The following LTBP1 variants were observed in gnomAD, a reference collection of about 807,000 sequenced individuals.
LTBP1 encodes latent-transforming growth factor beta-binding protein 1.
LTBP1 carries 129 observed loss-of-function variants against 207.6 expected under a neutral mutation model. That is an observed-to-expected ratio of 0.62 (90% CI 0.54 to 0.72). The LOEUF (loss-of-function observed/expected upper bound fraction) is 0.72, where lower values mean the gene tolerates loss of function less well. LTBP1 is among the 30% of genes least tolerant of loss of function. LTBP1 has a pLI of 0.00. For missense variants in LTBP1, 2,281 were observed against 2,217.2 expected, an observed-to-expected ratio of 1.03 and a Z score of -0.58; for synonymous variants, 963 against 833.7, an observed-to-expected ratio of 1.16 and a Z score of -2.67.
chr2:33,324,199 C>T (rs934303382), intron 24 of LTBP1, among the ~76,000 whole-genome samples: 2 of 151,836 alleles, frequency 1.3e-5, no homozygotes, highest in Non-Finnish European at 2.9e-5. Context: ...TCAACCACAG[C>T]CTACAAATAT....
chr2:33,275,296 T>C (rs537611112), intron 17 of LTBP1, among the ~76,000 whole-genome samples: 20 of 152,202 alleles, frequency 1.3e-4, no homozygotes, highest in Admixed American at 3.3e-4. Context: ...TATATGTGCA[T>C]AGACAAGATA....
intron 3 of LTBP1, among the ~76,000 whole-genome samples, chr2:33,102,890 C>T (rs2079820263): frequency 6.6e-6 from 1 of 150,924 alleles, no homozygotes; most frequent in African/African-American, 2.4e-5. Context: ...GCTCTGTATG[C>T]ACTGTCTGTA....
chr2:33,293,993 G>GTTTTT (rs1333586466), intron 20 of LTBP1, among the ~76,000 whole-genome samples: 2 of 83,110 alleles, frequency 2.4e-5, no homozygotes, highest in African/African-American at 9.7e-5. Context: ...ACTGGTACAG[G>GTTTTT]TCTTTTTTTT....
intron 2 of LTBP1, among the ~76,000 whole-genome samples, chr2:32,997,136 C>T (rs542523425): frequency 6.6e-6 from 1 of 152,116 alleles, no homozygotes; most frequent in Admixed American, 6.5e-5. Flanking sequence ...CCGCCCACCT[C>T]GGCCTCCCAA....
At chr2:33,057,387 C>T (rs553995084) in intron 3 of LTBP1, among the ~76,000 whole-genome samples, 41 of 152,328 alleles carry the variant, frequency 2.7e-4, no homozygotes, top group African/African-American at 7.9e-4. Flanking sequence ...CCACTGGGGC[C>T]GCAGGTCGAG....
At chr2:33,038,128 G>T (rs1217031263) in intron 3 of LTBP1, among the ~76,000 whole-genome samples, 2 of 152,172 alleles carry the variant, frequency 1.3e-5, no homozygotes, top group East Asian at 3.8e-4. Flanking sequence ...TTAAATGTTG[G>T]GGTTATTATT....
At chr2:33,376,116 T>C (rs2095137071) in intron 31 of LTBP1, among the ~76,000 whole-genome samples, 1 of 152,226 alleles carries the variant, frequency 6.6e-6, no homozygotes, top group South Asian at 2.1e-4. Context: ...TCCTCATAAA[T>C]ATTTAATTAG....
In LTBP1 at chr2:33,393,069, G is replaced by C. The variant is rs564577318; in HGVS notation, c.4834+3763G>C. ...ATGGTACAAATTTTTTTAACTTTTA[G>C]GTTCAGGGGTACATATAAAGGTTTG... On this transcript the variant is annotated intron_variant, in intron 32 of 33. Coordinates refer to ENST00000404816, the MANE Select transcript of LTBP1 (RefSeq NM_206943.4). Among the ~76,000 whole-genome samples, 15 of 151,682 alleles carry C rather than the reference G, an allele frequency of 9.9e-5. No homozygotes were observed. In the South Asian group the frequency reaches 2.3e-3, roughly 23 times the overall value.
chr2:32,972,354 G>A (rs1361728266), intron 2 of LTBP1, among the ~76,000 whole-genome samples: 2 of 150,434 alleles, frequency 1.3e-5, no homozygotes, highest in African/African-American at 4.9e-5. Flanking sequence ...GGGTTGATTT[G>A]CTTTTGTTTT....
intron 5 of LTBP1, among the ~76,000 whole-genome samples, chr2:33,153,758 A>G (rs1322256922): frequency 6.6e-6 from 1 of 152,120 alleles, no homozygotes; most frequent in Non-Finnish European, 1.5e-5. Flanking sequence ...AGCATCTTGA[A>G]TTTTTTCTTC....
At chr2:32,984,909 C>T (rs536401296) in intron 2 of LTBP1, among the ~76,000 whole-genome samples, 4 of 151,836 alleles carry the variant, frequency 2.6e-5, no homozygotes, top group Non-Finnish European at 4.4e-5. Context: ...CCAGCCTGGG[C>T]GAGAAGAGTG....
intron 27 of LTBP1, among the ~76,000 whole-genome samples, chr2:33,360,989 T>C (rs542697356): frequency 6.6e-6 from 1 of 152,378 alleles, no homozygotes; most frequent in South Asian, 2.1e-4. Context: ...AGTCAGGTTC[T>C]TTGTGATATT....
At chr2:33,339,121 A>C (rs1372765807) in intron 24 of LTBP1, among the ~76,000 whole-genome samples, 1 of 152,102 alleles carries the variant, frequency 6.6e-6, no homozygotes, top group East Asian at 1.9e-4. Flanking sequence ...TAAAGACGGC[A>C]TGACAGGGAA....
intron 31 of LTBP1, among the ~76,000 whole-genome samples, chr2:33,367,489 C>A (rs1424896431): frequency 6.6e-6 from 1 of 152,062 alleles, no homozygotes; most frequent in Non-Finnish European, 1.5e-5. Context: ...ATTTTTCAAC[C>A]CTTACCCCAC....
Position 33,111,762 on chromosome 2 carries a change from A to G in LTBP1, c.1033+1011A>G, listed in dbSNP as rs1379431155. Among the ~76,000 whole-genome samples the G allele has an allele frequency of 2.0e-5, 3 of 152,162 alleles. No individual in the cohort carries two copies. The East Asian group carries it at 5.8e-4, about 29-fold the overall frequency. ...TTTGTCTTTTGAGAAAGTCCTGCTC[A>G]GTGACCGGTGGCTAGACCCCAGAAC... On this transcript the variant is annotated intron_variant, in intron 4 of 33. Transcript: ENST00000404816.
chr2:33,233,841 CTTT>C, intron 9 of LTBP1, among the ~76,000 whole-genome samples: 1 of 151,518 alleles, frequency 6.6e-6, no homozygotes. Context: ...ATTTTGCTAA[CTTT>C]TTTTTTATTT....
intron 31 of LTBP1, among the ~76,000 whole-genome samples, chr2:33,374,306 G>A (rs1036076646): frequency 2.6e-5 from 4 of 152,126 alleles, no homozygotes; most frequent in Non-Finnish European, 4.4e-5. Context: ...TTTTGGTCCT[G>A]GCTCTGTGAC....
chr2:33,388,458 T>G (rs952739447), intron 31 of LTBP1, among the ~76,000 whole-genome samples: 1 of 152,244 alleles, frequency 6.6e-6, no homozygotes, highest in Admixed American at 6.5e-5. Flanking sequence ...AACCTCTCTG[T>G]GCTTTTGTTT....
chr2:33,179,149 G>A (rs966118120), intron 5 of LTBP1, among the ~76,000 whole-genome samples: 2 of 152,058 alleles, frequency 1.3e-5, no homozygotes, highest in African/African-American at 2.4e-5. Context: ...CTTTGAATGC[G>A]GCCCAACACA....
Sources: allele counts gnomAD v4.1 joint callset (sites outside exome capture counted in the v4.1 genomes callset), GRCh38; gene constraint gnomAD v4.1.1; transcripts MANE v1.5; gene names NCBI Gene and HGNC (gene_info 2026-07-23, HGNC 2026-07-21).